Variants in ZBTB8A observed in about 807,000 individuals in gnomAD.
The protein encoded by ZBTB8A is zinc finger and BTB domain containing 8A, also known as zinc finger and BTB domain-containing protein 8A.
ZBTB8A carries 19 observed loss-of-function variants against 37.8 expected under a neutral mutation model. The observed-to-expected ratio is 0.50, with a 90% CI of 0.35 to 0.74. The LOEUF (loss-of-function observed/expected upper bound fraction) is 0.74. ZBTB8A is among the 30% of genes least tolerant of loss of function. ZBTB8A has a pLI of 0.01. For synonymous variants in ZBTB8A, 181 were observed against 185.2 expected, an observed-to-expected ratio of 0.98 and a Z score of 0.19; for missense variants, 394 against 537.8, an observed-to-expected ratio of 0.73 and a Z score of 2.65.
At chr1:32,590,916 C>T (rs115415370) in intron 2 of ZBTB8A, among the ~76,000 whole-genome samples, 1,636 of 151,822 alleles carry the variant, frequency 0.011, 21 homozygotes, top group South Asian at 0.021. Flanking sequence ...TTTTTTAATA[C>T]GGAGTCTCAC....
Position 32,592,971 on chromosome 1 carries a change from C to G in ZBTB8A, c.40C>G (p.Leu14Val). 2 of 1,613,620 alleles carry G rather than the reference C, an allele frequency of 1.2e-6. No individual in the cohort carries two copies. Among genetic ancestry groups the G allele is most frequent in the Non-Finnish European group, 1.7e-6 (2 of 1,179,720 alleles). Reference sequence around the variant, plus strand: ...TCATCAGTCTCACCTCCTGCAGCAACTGAACGAGCAGCGCAGGCAAGATGT... The same window carrying G: ...TCATCAGTCTCACCTCCTGCAGCAAGTGAACGAGCAGCGCAGGCAAGATGT... ...SSHQSHLLQQ[L>V]NEQRRQDVFC... Residue 14 changes from leucine to valine, a missense_variant, in exon 3 of 5, where the codon CTG becomes GTG. By Grantham distance (32) the Leu-to-Val change is conservative. Coordinates refer to ENST00000373510, the MANE Select transcript of ZBTB8A (RefSeq NM_001040441.3).
intron 2 of ZBTB8A, among the ~76,000 whole-genome samples, chr1:32,558,646 G>A (rs1208744531): frequency 2.0e-5 from 3 of 152,152 alleles, no homozygotes; most frequent in Non-Finnish European, 4.4e-5. Flanking sequence ...GAAAGGAAAG[G>A]TTTGGCCTGG....
intron 2 of ZBTB8A, among the ~76,000 whole-genome samples, chr1:32,580,124 C>G (rs1254604887): frequency 6.6e-6 from 1 of 151,790 alleles, no homozygotes; most frequent in Non-Finnish European, 1.5e-5. Context: ...ACTTGAAGCT[C>G]AGGCAGGTGG....
chr1:32,544,850 G>C (rs188214709), intron 1 of ZBTB8A, among the ~76,000 whole-genome samples: 1 of 152,112 alleles, frequency 6.6e-6, no homozygotes, highest in African/African-American at 2.4e-5. Context: ...TTTTATGGCC[G>C]AGTTACATTC....
intron 4 of ZBTB8A, among the ~76,000 whole-genome samples, chr1:32,596,966 C>T (rs535555308): frequency 1.1e-3 from 173 of 152,024 alleles, no homozygotes; most frequent in African/African-American, 3.9e-3. Context: ...AGTCTAGTTG[C>T]GGCTGTCCAA....
At chr1:32,597,346 G>A (rs1644541727) in intron 4 of ZBTB8A, among the ~76,000 whole-genome samples, 1 of 151,984 alleles carries the variant, frequency 6.6e-6, no homozygotes, top group African/African-American at 2.4e-5. Context: ...GAATTGTATT[G>A]GTTTATTATG....
chr1:32,582,636 T>G (rs1215402461), intron 2 of ZBTB8A, among the ~76,000 whole-genome samples: 2 of 150,340 alleles, frequency 1.3e-5, no homozygotes, highest in Non-Finnish European at 3.0e-5. Context: ...GGAGTGAAAC[T>G]CTCTCAAAAA....
In ZBTB8A at chr1:32,601,821, C is replaced by CAT; in HGVS notation, c.*1404_*1405dup. 1 of 396,632 alleles carries CAT rather than the reference C, an allele frequency of 2.5e-6. No individual in the cohort carries two copies. The highest frequency in any genetic ancestry group is 4.4e-6 in the Non-Finnish European group (1 of 225,330). The allele number at this position is 396,632 out of a possible 1,614,324, so 24.6% of individuals were successfully genotyped here. A position where few individuals can be genotyped will look rare whatever the true frequency, so the allele number is the denominator to read the frequency against. ...GGAGGAATTGAATCATTTTCAACAA[C>CAT]ATACAATATCTTGATCTAGAGATTT... On this transcript the variant is annotated 3_prime_UTR_variant, in exon 5 of 5. Transcript: ENST00000373510.
In ZBTB8A at chr1:32,600,118, A is replaced by G. The variant is rs1644564383; in HGVS notation, c.1025A>G (p.Lys342Arg). 3 of 1,613,558 alleles carry G rather than the reference A, an allele frequency of 1.9e-6. No homozygotes were observed. Among genetic ancestry groups the G allele is most frequent in the South Asian group, 2.2e-5 (2 of 91,060 alleles). ...IHQACKLICR[K>R]CKRHVTDLTG... ...CAGGCATGTAAACTCATCTGCAGAA[A>G]ATGTAAACGTCATGTGACAGATCTA... The change falls in exon 5 of 5, where the codon AAA (lysine) becomes AGA (arginine). Residue 342 changes from lysine (K) to arginine (R), a missense_variant. Physicochemically the swap from Lys to Arg is conservative, Grantham distance 26. Coordinates refer to ENST00000373510, the MANE Select transcript of ZBTB8A (RefSeq NM_001040441.3).
At chr1:32,588,500 A>G (rs1278144646) in intron 2 of ZBTB8A, among the ~76,000 whole-genome samples, 2 of 151,946 alleles carry the variant, frequency 1.3e-5, no homozygotes, top group Admixed American at 6.6e-5. Flanking sequence ...AGATTAGGAA[A>G]ATGGAGAAGA....
chr1:32,570,396 G>C (rs975515412), intron 2 of ZBTB8A, among the ~76,000 whole-genome samples: 2 of 152,034 alleles, frequency 1.3e-5, no homozygotes, highest in African/African-American at 4.8e-5. Flanking sequence ...GGCTATTTTA[G>C]GTCCACTGAA....
rs558396870 is a variant in ZBTB8A, at chr1:32,574,615, A to T, written c.-1-18316A>T. ...CTGTCTCTAAAATTAAAAAATAAAA[A>T]TTTTTTAAAAAATTATAACATGTTT... On this transcript the variant is annotated intron_variant, in intron 2 of 4. Transcript: ENST00000373510. Among the ~76,000 whole-genome samples, 384 of 152,210 alleles carry T rather than the reference A, an allele frequency of 2.5e-3. 1 individual carries two copies. The highest frequency in any genetic ancestry group is 8.5e-3 in the African/African-American group (351 of 41,526).
chr1:32,586,628 A>C (rs1181382197), intron 2 of ZBTB8A, among the ~76,000 whole-genome samples: 1 of 152,120 alleles, frequency 6.6e-6, no homozygotes, highest in East Asian at 1.9e-4. Flanking sequence ...ATCTGGGGGA[A>C]GAATGTTCCA....
intron 2 of ZBTB8A, among the ~76,000 whole-genome samples, chr1:32,563,021 G>C (rs1166631850): frequency 6.6e-6 from 1 of 152,116 alleles, no homozygotes; most frequent in African/African-American, 2.4e-5. Context: ...TTTCAAACAA[G>C]GGTACATTTT....
chr1:32,594,814 A>G (rs917896541), intron 3 of ZBTB8A, among the ~76,000 whole-genome samples: 3 of 152,122 alleles, frequency 2.0e-5, no homozygotes, highest in African/African-American at 4.8e-5. Flanking sequence ...AACTTTCTAA[A>G]TATATCAAAT....
intron 2 of ZBTB8A, among the ~76,000 whole-genome samples, chr1:32,568,653 TG>T (rs1460585914): frequency 4.6e-5 from 7 of 152,200 alleles, no homozygotes. Flanking sequence ...CCCAAAGTGC[TG>T]GGATTACAGG....
In ZBTB8A at chr1:32,543,164, A is replaced by C. The variant is rs371831017; in HGVS notation, c.-84+3592A>C. ...AATGGTGTGATCTGGGCTCACTGCAACCTCCGCCTCCCAGGGTCAAGCAAT... is the reference window on the plus strand; with the variant it reads ...AATGGTGTGATCTGGGCTCACTGCACCCTCCGCCTCCCAGGGTCAAGCAAT... On this transcript the variant is annotated intron_variant, in intron 1 of 4. Transcript: ENST00000373510. 3.2e-4 allele frequency among the ~76,000 whole-genome samples: 49 copies of C among 151,942 alleles called. 1 individual carries two copies. Among genetic ancestry groups the C allele is most frequent in the Middle Eastern group, 3.4e-3 (1 of 294 alleles).
intron 3 of ZBTB8A, 126 bp from the exon 4 acceptor site, chr1:32,594,928 T>G: frequency 9.4e-7 from 1 of 1,060,618 alleles, no homozygotes; most frequent in Non-Finnish European, 1.3e-6. Flanking sequence ...TGTGAATTCT[T>G]TTTATTTCTT....
At chr1:32,582,427 C>T (rs955896758) in intron 2 of ZBTB8A, among the ~76,000 whole-genome samples, 2 of 152,098 alleles carry the variant, frequency 1.3e-5, no homozygotes, top group Non-Finnish European at 2.9e-5. Context: ...GTGGGCGGAT[C>T]ACCTGAGGTC....
Sources: gnomAD v4.1 joint callset for allele counts (sites outside exome capture counted in the v4.1 genomes callset) on GRCh38, gnomAD v4.1.1 for gene constraint, MANE v1.5 for transcripts, NCBI Gene and HGNC (gene_info 2026-07-23, HGNC 2026-07-21) for gene names.